Variants in KATNAL2 observed in about 807,000 individuals in gnomAD.
KATNAL2 encodes katanin catalytic subunit A1 like 2.
Under a neutral mutation model 76.3 loss-of-function variants are expected in KATNAL2, and 52 were observed. The observed-to-expected ratio is 0.68, with a 90% confidence interval of 0.55 to 0.86. The LOEUF is 0.86. Among genes scored for constraint, KATNAL2 ranks in the 40% least tolerant of loss-of-function variants. The pLI, the probability that KATNAL2 is intolerant of heterozygous loss-of-function variation, is 0.00. For synonymous variants in KATNAL2, 243 were observed against 244.2 expected (o/e 1.00, Z 0.05); for missense variants, 660 against 668.9 (o/e 0.99, Z 0.15).
intron 11 of KATNAL2, among the ~76,000 whole-genome samples, chr18:47,068,940 C>T (rs766942587): frequency 5.3e-5 from 8 of 152,152 alleles, no homozygotes; most frequent in Non-Finnish European, 1.0e-4. Flanking sequence ...AACTGTTTAA[C>T]GGAGAGGAAG....
At chr18:47,086,380 G>A (rs1338858210) in intron 15 of KATNAL2, among the ~76,000 whole-genome samples, 2 of 152,022 alleles carry the variant, frequency 1.3e-5, no homozygotes, top group South Asian at 2.1e-4. Flanking sequence ...GCAGTGGCAC[G>A]ATCTCGGCTC....
intron 1 of KATNAL2, among the ~76,000 whole-genome samples, chr18:46,919,279 G>A (rs1359826130): frequency 6.6e-6 from 1 of 151,962 alleles, no homozygotes; most frequent in Non-Finnish European, 1.5e-5. Flanking sequence ...CTGAGGTTGG[G>A]AGTTGGAGGC....
intron 3 of KATNAL2, among the ~76,000 whole-genome samples, chr18:47,042,982 G>C (rs919640135): frequency 1.3e-5 from 2 of 152,044 alleles, no homozygotes; most frequent in African/African-American, 4.8e-5. Context: ...AATCCCAGCA[G>C]TTTGGGAGGC....
At chr18:47,084,026 T>A (rs1037083458) in intron 15 of KATNAL2, among the ~76,000 whole-genome samples, 2 of 152,156 alleles carry the variant, frequency 1.3e-5, no homozygotes, top group Non-Finnish European at 2.9e-5. Context: ...TCCCTAACAT[T>A]TAGAAGAAAA....
intron 6 of KATNAL2, among the ~76,000 whole-genome samples, chr18:47,057,193 C>G (rs2061497083): frequency 6.6e-6 from 1 of 152,182 alleles, no homozygotes; most frequent in South Asian, 2.1e-4. Flanking sequence ...AATAGCAGCT[C>G]TCTGAGATCA....
At chr18:46,918,461 T>C (rs1280597746) in intron 1 of KATNAL2, among the ~76,000 whole-genome samples, 1 of 152,150 alleles carries the variant, frequency 6.6e-6, no homozygotes, top group Non-Finnish European at 1.5e-5. Context: ...CCCCGCAAGT[T>C]TTGTTTTTTT....
At chr18:47,033,854 G>C in intron 3 of KATNAL2, 1 of 1,614,078 alleles carries the variant, frequency 6.2e-7, no homozygotes, top group South Asian at 1.1e-5. Flanking sequence ...TAGTTGGCCT[G>C]CATCCAGGCC....
chr18:46,948,920 T>TGTGTGTGTGTG (rs2059466887), intron 3 of KATNAL2, among the ~76,000 whole-genome samples: 1 of 81,572 alleles, frequency 1.2e-5, no homozygotes, highest in African/African-American at 5.2e-5. Flanking sequence ...GTGTGTGTGT[T>TGTGTGTGTGTG]TGAGACAGGG....
At chr18:46,928,386 G>A (rs1240879047) in intron 1 of KATNAL2, among the ~76,000 whole-genome samples, 1 of 152,190 alleles carries the variant, frequency 6.6e-6, no homozygotes, top group Non-Finnish European at 1.5e-5. Flanking sequence ...AGCAGCGGTG[G>A]CTGCAGAACA....
chr18:47,035,445 A>G, intron 3 of KATNAL2: 1 of 1,347,010 alleles, frequency 7.4e-7, no homozygotes, highest in South Asian at 1.5e-5. Flanking sequence ...TTGGTCTGGA[A>G]CGGCCGTCCT....
intron 4 of KATNAL2, among the ~76,000 whole-genome samples, chr18:47,047,913 C>T (rs376772252): frequency 6.6e-6 from 1 of 152,154 alleles, no homozygotes; most frequent in East Asian, 1.9e-4. Flanking sequence ...CTTGCTGTTG[C>T]TCAGGCTGGT....
intron 3 of KATNAL2, among the ~76,000 whole-genome samples, chr18:46,967,860 T>A (rs2060177931): frequency 3.5e-5 from 4 of 115,908 alleles, no homozygotes; most frequent in Admixed American, 3.2e-4. Context: ...AGTAAAAGTA[T>A]TTTGACTTAA....
Position 47,033,574 on chromosome 18 carries a change from G to A in KATNAL2, c.52-12883G>A, listed in dbSNP as rs1487457929. ...TTTCTTTCTGCGATACAGCTGATCG[G>A]GCCTCCACCCTTCCAGAACAGGTTC... is the stretch of plus-strand genomic sequence containing the variant. On this transcript the variant is annotated intron_variant, in intron 3 of 17. Coordinates refer to ENST00000683218, the MANE Select transcript of KATNAL2 (RefSeq NM_001387690.1). 2 of 1,614,100 alleles carry A rather than the reference G, an allele frequency of 1.2e-6. No homozygotes were observed. The highest frequency in any genetic ancestry group is 4.5e-5 in the East Asian group (2 of 44,868).
In KATNAL2 at chr18:47,080,529, T is replaced by C. The variant is rs566099546; in HGVS notation, c.1211+3068T>C. On this transcript the variant is annotated intron_variant, in intron 15 of 17. Coordinates refer to ENST00000683218, the MANE Select transcript of KATNAL2 (RefSeq NM_001387690.1). ...CTGATCTATTTTACATTCTTGTAGATTTGCCTGTTCTTATACCTATGAGTA... is the reference window on the plus strand; with the variant it reads ...CTGATCTATTTTACATTCTTGTAGACTTGCCTGTTCTTATACCTATGAGTA... Among the ~76,000 whole-genome samples, 5 of 152,340 alleles carry C rather than the reference T, an allele frequency of 3.3e-5. No homozygotes were observed. In the East Asian group the frequency reaches 5.8e-4, roughly 18 times the overall value.
At chr18:47,037,617 C>A (rs1451951282) in intron 3 of KATNAL2, among the ~76,000 whole-genome samples, 1 of 151,702 alleles carries the variant, frequency 6.6e-6, no homozygotes. Flanking sequence ...CAACTTTATA[C>A]CTTTAATTAA....
chr18:47,085,608 T>C (rs1314314749), intron 15 of KATNAL2, among the ~76,000 whole-genome samples: 2 of 152,068 alleles, frequency 1.3e-5, no homozygotes, highest in Non-Finnish European at 2.9e-5. Flanking sequence ...ACCCACCAAC[T>C]AGTCCCATGG....
At chr18:47,044,190 T>A (rs2061071073) in intron 3 of KATNAL2, among the ~76,000 whole-genome samples, 1 of 151,880 alleles carries the variant, frequency 6.6e-6, no homozygotes, top group Non-Finnish European at 1.5e-5. Context: ...CTAACACTAA[T>A]GATAGCTGAT....
At chr18:47,034,985 C>A in intron 3 of KATNAL2, 6 of 1,611,600 alleles carry the variant, frequency 3.7e-6, no homozygotes, top group South Asian at 1.1e-5. Flanking sequence ...TGTCGGGAAG[C>A]GCTCTCCTCA....
chr18:46,929,043 A>T (rs2058823793), intron 1 of KATNAL2, among the ~76,000 whole-genome samples: 1 of 151,972 alleles, frequency 6.6e-6, no homozygotes, highest in African/African-American at 2.4e-5. Context: ...TGATTCACCC[A>T]CCTCGGCCTC....
Sources: gnomAD v4.1 joint callset for allele counts (sites outside exome capture counted in the v4.1 genomes callset) on GRCh38, gnomAD v4.1.1 for gene constraint, MANE v1.5 for transcripts, NCBI Gene and HGNC (gene_info 2026-07-23, HGNC 2026-07-21) for gene names.